Variants in MAD1L1 observed in about 807,000 individuals in gnomAD.
MAD1L1 encodes the protein mitotic spindle assembly checkpoint protein MAD1.
A neutral mutation model predicts 96.9 loss-of-function variants in MAD1L1; 95 were observed. The observed-to-expected ratio is 0.98, with a 90% CI of 0.83 to 1.16. The LOEUF is 1.16. MAD1L1 is among the 50% of genes most tolerant of loss of function. The pLI, the probability that MAD1L1 is intolerant of heterozygous loss-of-function variation, is 0.00. For missense variants in MAD1L1, 1,007 were observed against 954.4 expected, an observed-to-expected ratio of 1.06 and a Z score of -0.73; for synonymous variants, 473 against 396.6, an observed-to-expected ratio of 1.19 and a Z score of -2.29.
chr7:1,844,006 C>T (rs1043652588), intron 18 of MAD1L1, among the ~76,000 whole-genome samples: 6 of 150,706 alleles, frequency 4.0e-5, no homozygotes, highest in Non-Finnish European at 8.8e-5. Context: ...TGAGTGGGGC[C>T]GGGAAGGGCA....
chr7:1,904,712 G>A (rs570259253), intron 17 of MAD1L1, among the ~76,000 whole-genome samples: 2 of 130,438 alleles, frequency 1.5e-5, no homozygotes, highest in East Asian at 4.2e-4. Flanking sequence ...GCCTATGGAA[G>A]ACGCTCTTGC....
intron 12 of MAD1L1, among the ~76,000 whole-genome samples, chr7:2,034,322 T>C (rs1584141083): frequency 6.6e-6 from 1 of 151,782 alleles, no homozygotes; most frequent in Non-Finnish European, 1.5e-5. Flanking sequence ...GTTCAAGCGA[T>C]TCTCCTGCCT....
chr7:2,020,888 CTG>C, intron 12 of MAD1L1, among the ~76,000 whole-genome samples: 1 of 150,992 alleles, frequency 6.6e-6, no homozygotes, highest in Middle Eastern at 3.4e-3. Context: ...AAGGCTAAAA[CTG>C]AAAGTAGCAA....
At chr7:2,054,304 C>T (rs1247576837) in intron 12 of MAD1L1, among the ~76,000 whole-genome samples, 2 of 152,224 alleles carry the variant, frequency 1.3e-5, no homozygotes, top group African/African-American at 2.4e-5. Context: ...GCAGAGACGG[C>T]GGTCGGGCGC....
At chr7:2,013,627 C>T (rs1326958033) in intron 13 of MAD1L1, among the ~76,000 whole-genome samples, 3 of 152,270 alleles carry the variant, frequency 2.0e-5, no homozygotes, top group Admixed American at 6.5e-5. Flanking sequence ...CACCCGGCGG[C>T]GGCGTGTGCC....
intron 17 of MAD1L1, among the ~76,000 whole-genome samples, chr7:1,912,418 TGG>T (rs1788079474): frequency 6.6e-6 from 1 of 152,160 alleles, no homozygotes; most frequent in Admixed American, 6.5e-5. Flanking sequence ...GCGGCAGGTG[TGG>T]GCACCAGGAG....
intron 17 of MAD1L1, among the ~76,000 whole-genome samples, chr7:1,927,558 G>C (rs182371030): frequency 6.6e-5 from 10 of 152,258 alleles, no homozygotes; most frequent in Admixed American, 2.6e-4. Flanking sequence ...ACTGGTTTTG[G>C]ACAAAGGTGC....
chr7:1,900,130 G>A (rs551711492), intron 17 of MAD1L1, among the ~76,000 whole-genome samples: 7 of 152,300 alleles, frequency 4.6e-5, no homozygotes, highest in Non-Finnish European at 7.4e-5. Flanking sequence ...AGCCCGTTCC[G>A]AGTGCAAGCT....
intron 18 of MAD1L1, among the ~76,000 whole-genome samples, chr7:1,887,809 G>C (rs1364367436): frequency 1.1e-5 from 1 of 92,030 alleles, no homozygotes; most frequent in Non-Finnish European, 2.0e-5. Flanking sequence ...GTGGCTGCCT[G>C]TGTGTGTGTG....
At chr7:2,096,962 A>G (rs1786525402) in intron 11 of MAD1L1, among the ~76,000 whole-genome samples, 1 of 152,196 alleles carries the variant, frequency 6.6e-6, no homozygotes, top group Non-Finnish European at 1.5e-5. Context: ...CAGGACTGCC[A>G]GGAATGACAG....
At chr7:1,935,901 G>T (rs1005097972) in intron 17 of MAD1L1, among the ~76,000 whole-genome samples, 1 of 152,236 alleles carries the variant, frequency 6.6e-6, no homozygotes, top group South Asian at 2.1e-4. Context: ...GCCGGGCCAC[G>T]CTCCAGGCTG....
rs200142472 is a variant in MAD1L1 at position 2,216,159 on chromosome 7, C to T, written c.807G>A (p.Leu269=). The T allele has an allele frequency of 1.4e-4, 222 of 1,612,494 alleles. No homozygotes were observed. The highest frequency in any genetic ancestry group is 1.8e-4 in the Non-Finnish European group (207 of 1,179,728). ...LKQLREESAH[L]REMRETNGLL... ...CCCCATCCCCCGCAACCCCTCACCG[C>T]AGGTGCGCGCTCTCCTCCCGCAGCT... The change falls in exon 8 of 19, where the codon CTG becomes CTA. Residue 269 remains leucine, a splice_region_variant and synonymous_variant. Transcript: ENST00000265854.
Position 2,103,139 on chromosome 7 carries a change from C to G in MAD1L1, c.1074-33801G>C, listed in dbSNP as rs1435494320. Among the ~76,000 whole-genome samples the G allele has an allele frequency of 6.6e-6, 1 of 152,178 alleles. No individual in the cohort carries two copies. Among genetic ancestry groups the G allele is most frequent in the Admixed American group, 6.5e-5 (1 of 15,284 alleles). On this transcript the variant is annotated intron_variant, in intron 11 of 18. Coordinates refer to ENST00000265854, the MANE Select transcript of MAD1L1 (RefSeq NM_001013836.2). This position sits in a 1 kb window ranked among gnomAD's most constrained non-coding sequence, Gnocchi z 4.3. ...CCCCTGCGCTTGCTGCTGCCTCTGCCTGGAACGGGCTCTCTCCCCTGCCCC... is the reference window on the plus strand; with the variant it reads ...CCCCTGCGCTTGCTGCTGCCTCTGCGTGGAACGGGCTCTCTCCCCTGCCCC...
intron 18 of MAD1L1, among the ~76,000 whole-genome samples, chr7:1,827,512 TCCTCCCCTCCTG>T (rs1782469638): frequency 4.1e-5 from 2 of 48,366 alleles, no homozygotes; most frequent in South Asian, 1.1e-3. Context: ...GGGTGTGGGG[TCCTCCCCTCCTG>T]AGCCCGTCCC....
intron 10 of MAD1L1, among the ~76,000 whole-genome samples, chr7:2,153,248 C>T (rs1789667550): frequency 6.6e-6 from 1 of 152,118 alleles, no homozygotes; most frequent in Non-Finnish European, 1.5e-5. Flanking sequence ...AGTGAAGAGA[C>T]AGCCTCTTGA....
At chr7:1,864,348 CGGGACTCGG>C (rs1562469424) in intron 18 of MAD1L1, among the ~76,000 whole-genome samples, 1 of 152,190 alleles carries the variant, frequency 6.6e-6, no homozygotes, top group African/African-American at 2.4e-5. Context: ...CTTTCCTGGA[CGGGACTCGG>C]GGGAACTTGC....
rs768089526 is a variant in MAD1L1 at position 1,822,442 on chromosome 7, A to ATATATATATT, written c.1999-6215_1999-6214insAATATATATA. Reference sequence around the variant, plus strand: ...TCCAAACCTCAGCATATATATATATATTTTTTTTTTTTTTTTGGAAAGAGG... The same window carrying ATATATATATT: ...TCCAAACCTCAGCATATATATATATATATATATATTTTTTTTTTTTTTTTTTGGAAAGAGG... On this transcript the variant is annotated intron_variant, in intron 18 of 18. Coordinates refer to ENST00000265854, the MANE Select transcript of MAD1L1 (RefSeq NM_001013836.2). Among the ~76,000 whole-genome samples the ATATATATATT allele has an allele frequency of 6.4e-5, 9 of 140,586 alleles. 1 individual carries two copies. Among genetic ancestry groups the ATATATATATT allele is most frequent in the South Asian group, 2.2e-4 (1 of 4,472 alleles). The allele number at this position is 140,586 out of a possible 152,430, so 92.2% of individuals were successfully genotyped here.
intron 18 of MAD1L1, among the ~76,000 whole-genome samples, chr7:1,822,449 T>A (rs1331205911): frequency 3.0e-4 from 45 of 149,802 alleles, no homozygotes; most frequent in African/African-American, 4.4e-4. Flanking sequence ...TATATTTTTT[T>A]TTTTTTTTTG....
At chr7:1,924,656 A>C (rs1244265297) in intron 17 of MAD1L1, among the ~76,000 whole-genome samples, 1 of 152,194 alleles carries the variant, frequency 6.6e-6, no homozygotes, top group Non-Finnish European at 1.5e-5. Flanking sequence ...TCCCAGGGGA[A>C]CCCAGGAACG....
Sources: allele counts gnomAD v4.1 joint callset (sites outside exome capture counted in the v4.1 genomes callset), GRCh38; gene constraint gnomAD v4.1.1; non-coding constraint Gnocchi (gnomAD v3.1); transcripts MANE v1.5; gene names NCBI Gene and HGNC (gene_info 2026-07-23, HGNC 2026-07-21).